WDR35: variants seen among roughly 807,000 people sequenced by gnomAD.
WDR35 encodes WD repeat-containing protein 35.
Under a neutral mutation model 158.3 loss-of-function variants are expected in WDR35, and 118 were observed. The observed-to-expected ratio is 0.75, with a 90% CI of 0.64 to 0.87. WDR35 has a LOEUF of 0.87. Among genes scored for constraint, WDR35 ranks in the 40% least tolerant of loss-of-function variants. The pLI is 0.00. For missense variants in WDR35, 1,263 were observed against 1,405.8 expected, an observed-to-expected ratio of 0.90 and a Z score of 1.62; for synonymous variants, 448 against 476.1, an observed-to-expected ratio of 0.94 and a Z score of 0.77.
At chr2:19,920,248 G>C (rs1217348162) in intron 25 of WDR35, among the ~76,000 whole-genome samples, 1 of 152,180 alleles carries the variant, frequency 6.6e-6, no homozygotes, top group Non-Finnish European at 1.5e-5. Context: ...GCATCATCCT[G>C]ATACCAAAAT....
At chr2:19,982,372 T>C (rs1672408491) in intron 3 of WDR35, 91 bp downstream of exon 3, 7 of 1,201,772 alleles carry the variant, frequency 5.8e-6, no homozygotes, top group East Asian at 2.5e-5. Context: ...ATTACCATTA[T>C]TTAAAATGTT....
At chr2:19,939,240 A>C (rs1362005376) in intron 17 of WDR35, among the ~76,000 whole-genome samples, 1 of 152,226 alleles carries the variant, frequency 6.6e-6, no homozygotes, top group Non-Finnish European at 1.5e-5. Context: ...TTTAACTATT[A>C]AGACTAAACA....
In WDR35 at chr2:19,915,740, GA is replaced by G. The variant is rs749012658; in HGVS notation, c.3122-1464del. Among the ~76,000 whole-genome samples the G allele has an allele frequency of 7.9e-5, 12 of 151,878 alleles. No individual in the cohort carries two copies. In the South Asian group the frequency reaches 1.7e-3, roughly 21 times the overall value. Reference sequence around the variant, plus strand: ...AATAAACCTTTAGAGCCAGCAAGAAGAAAACTACAAATCTTTAGAAACACAG... The same window carrying G: ...AATAAACCTTTAGAGCCAGCAAGAAGAAACTACAAATCTTTAGAAACACAG... On this transcript the variant is annotated intron_variant, in intron 25 of 26. Coordinates refer to ENST00000281405, the MANE Select transcript of WDR35 (RefSeq NM_020779.4).
At position 19,978,892 on chromosome 2, in the gene WDR35, A is replaced by C. The variant is rs1260009037; in HGVS notation, c.308-13T>G. 2 of 1,613,134 alleles carry C rather than the reference A, an allele frequency of 1.2e-6. No homozygotes were observed. Among genetic ancestry groups the C allele is most frequent in the Non-Finnish European group, 1.7e-6 (2 of 1,179,660 alleles). The stretch of plus-strand genomic sequence containing the variant: ...TCAATCCAAGAGCCTGTTTTCACAA[A>C]TTTAAAAAATTACAAGTCAAAACTT... On this transcript the variant is annotated splice_polypyrimidine_tract_variant and intron_variant, in intron 4 of 26. Transcript: ENST00000281405.
At chr2:19,921,250 A>G (rs1670156761) in intron 25 of WDR35, among the ~76,000 whole-genome samples, 1 of 152,228 alleles carries the variant, frequency 6.6e-6, no homozygotes, top group Admixed American at 6.5e-5. Flanking sequence ...ATGGAACCAA[A>G]AAAGAGCCCG....
intron 13 of WDR35, among the ~76,000 whole-genome samples, chr2:19,949,453 G>A (rs958937470): frequency 5.9e-5 from 9 of 152,184 alleles, no homozygotes; most frequent in Middle Eastern, 6.3e-3. Context: ...TGGGGATGGG[G>A]AAAACTGAAA....
rs6758706 is a variant in WDR35 at position 19,961,249 on chromosome 2, A to G, written c.1195-635T>C. 2.0e-3 allele frequency among the ~76,000 whole-genome samples: 298 copies of G among 152,346 alleles called. 1 individual carries two copies. Among genetic ancestry groups the G allele is most frequent in the African/African-American group, 6.8e-3 (281 of 41,578 alleles). On this transcript the variant is annotated intron_variant, in intron 10 of 26. Coordinates refer to ENST00000281405, the MANE Select transcript of WDR35 (RefSeq NM_020779.4). ...AGGACAACTCACTTTAAGAAGGGACAAGACAAAGTAAAGATGAAACCTGCA... is the reference window on the plus strand; with the variant it reads ...AGGACAACTCACTTTAAGAAGGGACGAGACAAAGTAAAGATGAAACCTGCA...
chr2:19,962,447 G>T, intron 10 of WDR35: 1 of 941,568 alleles, frequency 1.1e-6, no homozygotes, highest in South Asian at 1.4e-5. Context: ...ACCAATATTA[G>T]GAAAATAATC....
rs754712378 is a variant in WDR35 at position 19,946,552 on chromosome 2, TG to T, written c.1542del (p.Ile515PhefsTer11). 4.3e-6 allele frequency: 7 copies of T among 1,613,486 alleles called. No individual in the cohort carries two copies. Among genetic ancestry groups the T allele is most frequent in the Admixed American group, 1.7e-5 (1 of 59,986 alleles). On this transcript the variant is annotated frameshift_variant, in exon 15 of 27. Transcript: ENST00000281405. LOFTEE classifies it high-confidence loss of function. ...KILIVGRESG[T>X]IQRYSLPNVG... The stretch of plus-strand genomic sequence containing the variant: ...ACATTAGGTAGACTGTATCTCTGAA[TG>T]GTGCCAGATTCACGACCCTATGGAA...
At chr2:19,956,117 T>C (rs1215724678) in intron 11 of WDR35, among the ~76,000 whole-genome samples, 1 of 152,184 alleles carries the variant, frequency 6.6e-6, no homozygotes, top group Non-Finnish European at 1.5e-5. Flanking sequence ...CTTCACTAAA[T>C]CTTAAGAATT....
At position 19,936,297 on chromosome 2, in the gene WDR35, C is replaced by T. The variant is rs559531293; in HGVS notation, c.2336G>A (p.Gly779Glu). 6.2e-7 allele frequency: 1 copy of T among 1,614,002 alleles called. No individual in the cohort carries two copies. The highest frequency in any genetic ancestry group is 1.1e-5 in the South Asian group (1 of 91,076). The change falls in exon 20 of 27, where the codon GGA (glycine) becomes GAA (glutamate). Residue 779 changes from glycine to glutamate, a missense_variant. By Grantham distance (98) the Gly-to-Glu change is moderately conservative (BLOSUM62 -2). Transcript: ENST00000281405. Reference protein sequence around the residue: ...WFRVLQLLKTGSGDADDSLLE... With the variant: ...WFRVLQLLKTESGDADDSLLE... ...GAGACTGTCATCTGCATCACCAGAT[C>T]CAGTTTTCAGGAGCTGGAGTACTCT...
At chr2:19,947,238 G>C (rs1671088878) in intron 14 of WDR35, among the ~76,000 whole-genome samples, 1 of 152,210 alleles carries the variant, frequency 6.6e-6, no homozygotes, top group Non-Finnish European at 1.5e-5. Flanking sequence ...GTGGGACAAA[G>C]TGGAAGCCTC....
chr2:19,943,965 T>G (rs993298726), intron 16 of WDR35, among the ~76,000 whole-genome samples: 5 of 152,096 alleles, frequency 3.3e-5, no homozygotes, highest in Non-Finnish European at 7.4e-5. Context: ...TGTTATTAGC[T>G]GTCAAACAAT....
chr2:19,948,474 A>C (rs1671128994), intron 13 of WDR35, among the ~76,000 whole-genome samples: 1 of 152,226 alleles, frequency 6.6e-6, no homozygotes, highest in African/African-American at 2.4e-5. Context: ...GGACAGTATG[A>C]TAAAAGAAGA....
At chr2:19,936,427 C>T in intron 19 of WDR35, 62 bp from the exon 20 acceptor site, 1 of 1,609,950 alleles carries the variant, frequency 6.2e-7, no homozygotes, top group African/African-American at 1.3e-5. Context: ...CAAGAGCCTG[C>T]TGTGTGTTAG....
chr2:19,924,841 A>G (rs1484992154), intron 25 of WDR35, among the ~76,000 whole-genome samples: 5 of 152,240 alleles, frequency 3.3e-5, no homozygotes, highest in Admixed American at 6.5e-5. Flanking sequence ...CTAAAAAAGA[A>G]TGTAGAAAAA....
rs771923847 is a variant in WDR35, at chr2:19,982,522, A to G, written c.155T>C (p.Leu52Ser). ...KLETQTDDAK[L>S]RGLAAPSNLS... Reference sequence around the variant, plus strand: ...GTTACTGGGGGCTGCAAGGCCCCTCAATTTTGCATCATCTAAAACAAAACA... The same window carrying G: ...GTTACTGGGGGCTGCAAGGCCCCTCGATTTTGCATCATCTAAAACAAAACA... The change falls in exon 3 of 27, where the codon TTG becomes TCG. Residue 52 changes from leucine (L) to serine (S), a missense_variant. Physicochemically the swap from Leu to Ser is moderately radical, Grantham distance 145 (BLOSUM62 -2). Transcript: ENST00000281405. 1.5e-5 allele frequency: 24 copies of G among 1,613,838 alleles called. No homozygotes were observed. Among genetic ancestry groups the G allele is most frequent in the Non-Finnish European group, 1.9e-5 (23 of 1,179,884 alleles).
chr2:19,969,494 G>A lies in WDR35; in HGVS notation c.994C>T (p.Arg332Ter), dbSNP rs199840434. 4.3e-5 allele frequency: 69 copies of A among 1,612,194 alleles called. No individual in the cohort carries two copies. Among genetic ancestry groups the A allele is most frequent in the African/African-American group, 5.3e-5 (4 of 74,832 alleles). The change falls in exon 9 of 27, where the codon CGA (arginine) becomes TGA (stop). Residue 332 changes from arginine (R) to a stop codon, truncating the protein, a stop_gained. Coordinates refer to ENST00000281405, the MANE Select transcript of WDR35 (RefSeq NM_020779.4). LOFTEE classifies it high-confidence loss of function. ...VDSFIYFANI[R>*]PNYKWGYCSN... ...TTAATATTTACCTTATAATTAGGTC[G>A]AATGTTTGCAAAATATATAAAGGAA...
intron 10 of WDR35, chr2:19,962,336 C>A: frequency 5.0e-6 from 8 of 1,612,538 alleles, no homozygotes; most frequent in Non-Finnish European, 6.8e-6. Flanking sequence ...TCCTTTGAAG[C>A]AATATATAAA....
Sources: allele counts gnomAD v4.1 joint callset (sites outside exome capture counted in the v4.1 genomes callset), GRCh38; gene constraint gnomAD v4.1.1; transcripts MANE v1.5; gene names NCBI Gene and HGNC (gene_info 2026-07-23, HGNC 2026-07-21).